The following SLC35F3 variants were observed in gnomAD, a reference collection of about 807,000 sequenced individuals.
SLC35F3 encodes solute carrier family 35 member F3.
In SLC35F3, 25 loss-of-function variants were observed where a neutral mutation model predicts 49.9. That is an observed-to-expected ratio of 0.50 (90% confidence interval 0.37 to 0.70). The LOEUF (loss-of-function observed/expected upper bound fraction) is 0.70, where lower values mean the gene tolerates loss of function less well. SLC35F3 is among the 30% of genes least tolerant of loss of function. The pLI is 0.00. For synonymous variants in SLC35F3, 275 were observed against 265.4 expected (o/e 1.04, Z -0.35); for missense variants, 525 against 639.8 (o/e 0.82, Z 1.94).
At chr1:234,025,131 T>C (rs1035610314) in intron 2 of SLC35F3, among the ~76,000 whole-genome samples, 7 of 152,254 alleles carry the variant, frequency 4.6e-5, no homozygotes, top group African/African-American at 1.7e-4. Flanking sequence ...ACATTCATGT[T>C]GGTGCAAAGT....
chr1:234,002,467 A>G (rs930582128), intron 2 of SLC35F3, among the ~76,000 whole-genome samples: 10 of 152,130 alleles, frequency 6.6e-5, no homozygotes, highest in Admixed American at 2.0e-4. Context: ...TAAGTATTTT[A>G]TAGACTGTCT....
At chr1:234,008,501 A>G (rs960193690) in intron 2 of SLC35F3, among the ~76,000 whole-genome samples, 21 of 152,106 alleles carry the variant, frequency 1.4e-4, no homozygotes, top group African/African-American at 4.1e-4. Context: ...TGGTAAAGCC[A>G]TTTGTTTACG....
intron 2 of SLC35F3, among the ~76,000 whole-genome samples, chr1:234,170,796 G>C (rs754990553): frequency 2.0e-5 from 3 of 152,000 alleles, no homozygotes; most frequent in Non-Finnish European, 4.4e-5. Flanking sequence ...ACATTTACAA[G>C]AAGTACTTAA....
rs183862123 is a variant in SLC35F3 at position 234,147,169 on chromosome 1, T to G, written c.284-84248T>G. ...ACTGTATTAAAGGATGGACTTACCTTATCTCTCCTATTTGACACCCTTTAA... is the reference window on the plus strand; with the variant it reads ...ACTGTATTAAAGGATGGACTTACCTGATCTCTCCTATTTGACACCCTTTAA... On this transcript the variant is annotated intron_variant, in intron 2 of 7. Coordinates refer to ENST00000366618, the MANE Select transcript of SLC35F3 (RefSeq NM_173508.4). Among the ~76,000 whole-genome samples the G allele has an allele frequency of 4.6e-3, 693 of 152,164 alleles. 6 individuals carry two copies. Among genetic ancestry groups the G allele is most frequent in the African/African-American group, 0.016 (657 of 41,536 alleles).
chr1:234,022,206 C>A (rs539249197), intron 2 of SLC35F3, among the ~76,000 whole-genome samples: 1 of 115,308 alleles, frequency 8.7e-6, no homozygotes, highest in Non-Finnish European at 2.2e-5. Context: ...GGCTAAGGTC[C>A]GGGGTCACTC....
At chr1:233,979,678 CTTCA>C (rs1663148971) in intron 2 of SLC35F3, among the ~76,000 whole-genome samples, 2 of 152,196 alleles carry the variant, frequency 1.3e-5, no homozygotes, top group South Asian at 4.1e-4. Flanking sequence ...GATAGCTGCT[CTTCA>C]TTCAGACTTT....
chr1:233,942,172 A>G (rs1313564034), intron 2 of SLC35F3, among the ~76,000 whole-genome samples: 1 of 151,886 alleles, frequency 6.6e-6, no homozygotes, highest in Non-Finnish European at 1.5e-5. Flanking sequence ...TATGTTGGCC[A>G]GGCTGGTCTC....
intron 2 of SLC35F3, among the ~76,000 whole-genome samples, chr1:233,908,138 T>G (rs1017871113): frequency 1.3e-5 from 2 of 151,998 alleles, no homozygotes; most frequent in Non-Finnish European, 2.9e-5. Flanking sequence ...TATTTGTTGG[T>G]TGGTAATTGT....
chr1:234,104,664 C>T (rs939409067), intron 2 of SLC35F3, among the ~76,000 whole-genome samples: 1 of 152,158 alleles, frequency 6.6e-6, no homozygotes, highest in African/African-American at 2.4e-5. Flanking sequence ...ACTCAAAATA[C>T]AATTGCCTAA....
At position 234,316,707 on chromosome 1, in the gene SLC35F3, T is replaced by G; in HGVS notation, c.934T>G (p.Ser312Ala). The G allele has an allele frequency of 6.2e-7, 1 of 1,611,414 alleles. No homozygotes were observed. The highest frequency in any genetic ancestry group is 8.5e-7 in the Non-Finnish European group (1 of 1,177,732). Reference protein sequence around the residue: ...IGIALVVASASMSALYKVLFK... With the variant: ...IGIALVVASAAMSALYKVLFK... ...CATCGCACTGGTGGTGGCCTCAGCATCGATGTCTGCCCTCTACAAGGTACG... is the reference window on the plus strand; with the variant it reads ...CATCGCACTGGTGGTGGCCTCAGCAGCGATGTCTGCCCTCTACAAGGTACG... Residue 312 changes from serine to alanine, a missense_variant, in exon 5 of 8, where the codon TCG becomes GCG. Transcript: ENST00000366618.
rs925957513 is a variant in SLC35F3, at chr1:234,071,313, G to A, written c.284-160104G>A. On this transcript the variant is annotated intron_variant, in intron 2 of 7. Coordinates refer to ENST00000366618, the MANE Select transcript of SLC35F3 (RefSeq NM_173508.4). Reference sequence around the variant, plus strand: ...TTCAAAGTCCTTGGGACTCTCCAGAGAGTAAAATGGTAAAACAGCTCCATC... The same window carrying A: ...TTCAAAGTCCTTGGGACTCTCCAGAAAGTAAAATGGTAAAACAGCTCCATC... Among the ~76,000 whole-genome samples the A allele has an allele frequency of 8.1e-4, 124 of 152,324 alleles. 1 individual carries two copies. Among genetic ancestry groups the A allele is most frequent in the African/African-American group, 2.8e-3 (115 of 41,564 alleles).
intron 2 of SLC35F3, among the ~76,000 whole-genome samples, chr1:234,086,112 G>T (rs557983287): frequency 2.5e-4 from 38 of 152,316 alleles, no homozygotes; most frequent in African/African-American, 8.4e-4. Flanking sequence ...TTGAAGAAAT[G>T]AGTGAATGAA....
intron 2 of SLC35F3, among the ~76,000 whole-genome samples, chr1:233,944,539 G>A (rs187711734): frequency 1.3e-5 from 2 of 152,284 alleles, no homozygotes; most frequent in South Asian, 2.1e-4. Context: ...CATATCCATC[G>A]AAGGTGCAGC....
intron 3 of SLC35F3, among the ~76,000 whole-genome samples, chr1:234,296,256 T>G (rs967006726): frequency 6.6e-6 from 1 of 152,012 alleles, no homozygotes; most frequent in Non-Finnish European, 1.5e-5. Flanking sequence ...CTTCATCTCC[T>G]ACGTCCATCG....
chr1:234,157,506 G>T (rs993725319), intron 2 of SLC35F3, among the ~76,000 whole-genome samples: 11 of 152,072 alleles, frequency 7.2e-5, no homozygotes, highest in African/African-American at 2.7e-4. Flanking sequence ...AAAAAAGAAG[G>T]AAAGGACCCA....
intron 3 of SLC35F3, among the ~76,000 whole-genome samples, chr1:234,267,452 CG>C (rs773745731): frequency 0.15 from 21,393 of 144,766 alleles, 624 homozygotes; most frequent in East Asian, 0.47. Flanking sequence ...CCAGTAGGGG[CG>C]GCCGGGCAGA....
intron 2 of SLC35F3, among the ~76,000 whole-genome samples, chr1:233,935,420 T>C (rs1313461572): frequency 6.6e-6 from 1 of 152,084 alleles, no homozygotes; most frequent in Non-Finnish European, 1.5e-5. Context: ...CCAGCAGCAA[T>C]TGACCTTTGC....
chr1:234,169,793 A>T (rs1431318894), intron 2 of SLC35F3, among the ~76,000 whole-genome samples: 6 of 151,786 alleles, frequency 4.0e-5, no homozygotes, highest in African/African-American at 1.5e-4. Flanking sequence ...TTTGAGTTGG[A>T]GTCTCACTCT....
chr1:234,005,946 G>A (rs1324011661), intron 2 of SLC35F3, among the ~76,000 whole-genome samples: 2 of 152,192 alleles, frequency 1.3e-5, no homozygotes, highest in Non-Finnish European at 2.9e-5. Flanking sequence ...TTTGAACCAT[G>A]CTTTTTTTCT....
Sources: allele counts gnomAD v4.1 joint callset (sites outside exome capture counted in the v4.1 genomes callset), GRCh38; gene constraint gnomAD v4.1.1; transcripts MANE v1.5; gene names NCBI Gene and HGNC (gene_info 2026-07-23, HGNC 2026-07-21).